Variants in COG2 observed in about 807,000 individuals in gnomAD.
COG2 encodes the protein component of oligomeric golgi complex 2.
Under a neutral mutation model 90.6 loss-of-function variants are expected in COG2, and 52 were observed. The ratio of observed to expected loss-of-function variants is 0.57; its 90% CI spans 0.46 to 0.72. COG2 has a LOEUF of 0.72. Ranked by LOEUF, COG2 falls within the 30% of genes least tolerant of loss-of-function variation. The probability of loss-of-function intolerance (pLI) is 0.00; values close to 1 mark genes in which losing one functional copy is unlikely to be tolerated. For missense variants in COG2, 829 were observed against 891.2 expected (o/e 0.93, Z 0.89); for synonymous variants, 337 against 320.4 (o/e 1.05, Z -0.55).
rs1662884852 is a variant in COG2 at position 230,686,391 on chromosome 1, TTATCTC to T, written c.1381-541_1381-536del. ...TTCTTGCTAGCCAGGAATTCTCCGT[TTATCTC>T]TAGTAGATCACTTTGCCCTGAATGT... On this transcript the variant is annotated intron_variant, in intron 12 of 17. Coordinates refer to ENST00000366669, the MANE Select transcript of COG2 (RefSeq NM_007357.3). Among the ~76,000 whole-genome samples, 3 of 152,232 alleles carry T rather than the reference TTATCTC, an allele frequency of 2.0e-5. No homozygotes were observed. In the South Asian group the frequency reaches 6.2e-4, roughly 31 times the overall value.
At position 230,691,565 on chromosome 1, in the gene COG2, G is replaced by A. The variant is rs541115295; in HGVS notation, c.2115+1G>A. On this transcript the variant is annotated splice_donor_variant, in intron 17 of 17. Coordinates refer to ENST00000366669, the MANE Select transcript of COG2 (RefSeq NM_007357.3). LOFTEE classifies it high-confidence loss of function. ...AGATGTTGAGTACTTGGGAGAGCAG[G>A]TAACCCATCAGCCGCCGGCAGCTCC... The A allele has an allele frequency of 6.2e-7, 1 of 1,605,844 alleles. No homozygotes were observed. The highest frequency in any genetic ancestry group is 1.3e-5 in the African/African-American group (1 of 74,676).
At chr1:230,674,359 G>C (rs1368103811) in intron 8 of COG2, among the ~76,000 whole-genome samples, 1 of 152,176 alleles carries the variant, frequency 6.6e-6, no homozygotes, top group Non-Finnish European at 1.5e-5. Context: ...CATGCTTTCT[G>C]TCAGTGCTGC....
chr1:230,662,986 C>T (rs1391304492), intron 3 of COG2, among the ~76,000 whole-genome samples, 155 bp from the exon 4 acceptor site: 1 of 152,112 alleles, frequency 6.6e-6, no homozygotes, highest in Admixed American at 6.6e-5. Flanking sequence ...AATCTTGAGA[C>T]ACAAACAGCA....
chr1:230,650,374 T>G (rs1298209135), intron 1 of COG2, among the ~76,000 whole-genome samples: 1 of 152,224 alleles, frequency 6.6e-6, no homozygotes, highest in Non-Finnish European at 1.5e-5. Flanking sequence ...TGTTGTTTTT[T>G]GACTTTTTAA....
chr1:230,669,391 A>G lies in COG2; in HGVS notation c.630A>G (p.Ser210=), dbSNP rs887401093. ...GCATTACAGCCATGTTACAGCAGTC[A>G]CTGGAAGGTCTCCTATTAGAAGGCC... The part of the protein sequence containing the change: ...IAGITAMLQQ[S]LEGLLLEGLQ... Residue 210 remains serine (S), a synonymous_variant, in exon 7 of 18, where the codon TCA becomes TCG. Coordinates refer to ENST00000366669, the MANE Select transcript of COG2 (RefSeq NM_007357.3). 3 of 1,613,778 alleles carry G rather than the reference A, an allele frequency of 1.9e-6. No homozygotes were observed. Among genetic ancestry groups the G allele is most frequent in the Non-Finnish European group, 2.5e-6 (3 of 1,179,812 alleles).
chr1:230,691,287 C>T, intron 16 of COG2, 97 bp from the exon 17 acceptor site: 2 of 1,110,888 alleles, frequency 1.8e-6, no homozygotes, highest in Middle Eastern at 2.1e-4. Flanking sequence ...GAATTTTTAT[C>T]TTAAAAATCT....
intron 8 of COG2, among the ~76,000 whole-genome samples, chr1:230,673,799 A>G (rs12090751): frequency 0.016 from 2,396 of 152,284 alleles, 51 homozygotes; most frequent in African/African-American, 0.055. Context: ...AGGTGAAACT[A>G]TAATAACATT....
chr1:230,691,249 T>TTA, intron 16 of COG2, 135 bp from the exon 17 acceptor site: 1 of 628,368 alleles, frequency 1.6e-6, no homozygotes, highest in Non-Finnish European at 2.6e-6. Context: ...ACTTAAATAC[T>TTA]TACCGTGGTT....
At chr1:230,662,950 T>C (rs1662218907) in intron 3 of COG2, among the ~76,000 whole-genome samples, 191 bp from the exon 4 acceptor site, 1 of 152,216 alleles carries the variant, frequency 6.6e-6, no homozygotes, top group Non-Finnish European at 1.5e-5. Flanking sequence ...TTGCATGACC[T>C]TGGCTTTATA....
At chr1:230,659,852 T>C (rs1662144261) in intron 2 of COG2, among the ~76,000 whole-genome samples, 1 of 152,224 alleles carries the variant, frequency 6.6e-6, no homozygotes, top group East Asian at 1.9e-4. Context: ...TTTGATATTA[T>C]TAGTGAAAAA....
At chr1:230,651,807 A>C (rs764571232) in intron 1 of COG2, among the ~76,000 whole-genome samples, 2 of 152,228 alleles carry the variant, frequency 1.3e-5, no homozygotes, top group South Asian at 4.1e-4. Flanking sequence ...AGTGGGTGCT[A>C]TTCCATTCAG....
At chr1:230,684,926 C>T (rs1194439988) in intron 11 of COG2, among the ~76,000 whole-genome samples, 159 bp from the exon 12 acceptor site, 3 of 152,310 alleles carry the variant, frequency 2.0e-5, no homozygotes, top group Non-Finnish European at 2.9e-5. Context: ...TGTGGCCACT[C>T]GTCATCCCTG....
chr1:230,668,820 T>G lies in COG2; in HGVS notation c.594+36T>G, dbSNP rs377725531. On this transcript the variant is annotated intron_variant, in intron 6 of 17. Transcript: ENST00000366669. ...TTTTGGATTTCCACAGTTTGGTGTT[T>G]AGGGACTTGCTAAATAATTCTGGTT... is the stretch of plus-strand genomic sequence containing the variant. 10 of 1,278,590 alleles carry G rather than the reference T, an allele frequency of 7.8e-6. No homozygotes were observed. The South Asian group carries it at 1.3e-4, about 17-fold the overall frequency. The allele number at this position is 1,278,590 out of a possible 1,614,324, so 79.2% of individuals were successfully genotyped here.
intron 15 of COG2, 43 bp from the exon 16 acceptor site, chr1:230,689,971 T>G: frequency 6.6e-7 from 1 of 1,520,650 alleles, no homozygotes; most frequent in East Asian, 2.4e-5. Context: ...TTCTTTTCTG[T>G]TTTTTTCCTG....
chr1:230,692,733 G>A lies in COG2; in HGVS notation c.2116-559G>A, dbSNP rs376573793. ...TATCTTCCCGGATCTTTCTCTGTGC[G>A]TGTGTGTGGTGCGTGTGTGTGTGTG... On this transcript the variant is annotated intron_variant, in intron 17 of 17. Transcript: ENST00000366669. Among the ~76,000 whole-genome samples the A allele has an allele frequency of 1.8e-3, 276 of 151,634 alleles. 1 individual carries two copies. The highest frequency in any genetic ancestry group is 6.4e-3 in the African/African-American group (263 of 41,348).
At chr1:230,644,936 G>A (rs763633544) in intron 1 of COG2, among the ~76,000 whole-genome samples, 5 of 152,078 alleles carry the variant, frequency 3.3e-5, no homozygotes, top group Non-Finnish European at 5.9e-5. Context: ...AAAATATTAC[G>A]TAAATGATCA....
intron 4 of COG2, among the ~76,000 whole-genome samples, chr1:230,663,934 C>T (rs919334000): frequency 6.6e-6 from 1 of 152,118 alleles, no homozygotes; most frequent in African/African-American, 2.4e-5. Flanking sequence ...CACCTGTAAT[C>T]TCAGTAGTTT....
chr1:230,688,093 T>A lies in COG2; in HGVS notation c.1601T>A (p.Ile534Asn), dbSNP rs141178219. Residue 534 changes from isoleucine (I) to asparagine (N), a missense_variant, in exon 14 of 18, where the codon ATC becomes AAC. By Grantham distance (149) the Ile-to-Asn change is moderately radical. Transcript: ENST00000366669. ...QEQLPELLEI[I>N]KPKLEMIGFK... is the part of the protein sequence containing the mutation. ...CAGCTTCCAGAACTCTTGGAAATAATCAAGCCAAAACTTGAAATGATTGGC... is the reference window on the plus strand; with the variant it reads ...CAGCTTCCAGAACTCTTGGAAATAAACAAGCCAAAACTTGAAATGATTGGC... 1.9e-4 allele frequency: 299 copies of A among 1,600,072 alleles called. No individual in the cohort carries two copies. Among genetic ancestry groups the A allele is most frequent in the Non-Finnish European group, 2.4e-4 (286 of 1,175,720 alleles).
chr1:230,669,749 C>T, intron 7 of COG2: 1 of 420,558 alleles, frequency 2.4e-6, no homozygotes, highest in South Asian at 7.1e-5. Flanking sequence ...CTCAGGTGTC[C>T]TAGGAATGCT....
Sources: allele counts gnomAD v4.1 joint callset (sites outside exome capture counted in the v4.1 genomes callset), GRCh38; gene constraint gnomAD v4.1.1; transcripts MANE v1.5; gene names NCBI Gene and HGNC (gene_info 2026-07-23, HGNC 2026-07-21).